The following SLC6A13 variants were observed in gnomAD, a reference collection of about 807,000 sequenced individuals.
SLC6A13 encodes solute carrier family 6 member 13.
Under a neutral mutation model 72.9 loss-of-function variants are expected in SLC6A13, and 69 were observed. That is an observed-to-expected ratio of 0.95 (90% CI 0.78 to 1.16). SLC6A13 has a LOEUF of 1.16. Among genes scored for constraint, SLC6A13 ranks in the 50% most tolerant of loss-of-function variants. SLC6A13 has a pLI of 0.00. For missense variants in SLC6A13, 735 were observed against 760.5 expected (o/e 0.97, Z 0.39); for synonymous variants, 303 against 303.0 (o/e 1.00, Z 0.00).
In SLC6A13 at chr12:259,843, C is replaced by T; in HGVS notation, c.202+8G>A. The stretch of plus-strand genomic sequence containing the variant: ...GTGGGTGGGGTGGCACAAGGGCTCT[C>T]ATCTCACCTCCCCCATTTTTGTAGC... On this transcript the variant is annotated splice_region_variant and intron_variant, in intron 2 of 14. Transcript: ENST00000343164. 1 of 1,614,184 alleles carries T rather than the reference C, an allele frequency of 6.2e-7. No individual in the cohort carries two copies. The highest frequency in any genetic ancestry group is 8.5e-7 in the Non-Finnish European group (1 of 1,180,024).
chr12:234,566 A>G (rs1191960824), intron 7 of SLC6A13, among the ~76,000 whole-genome samples: 9 of 151,900 alleles, frequency 5.9e-5, no homozygotes, highest in Non-Finnish European at 8.8e-5. Context: ...TGCCCAGGCT[A>G]GAGTGCAGTG....
At chr12:239,957 A>G (rs549070900) in intron 4 of SLC6A13, among the ~76,000 whole-genome samples, 2 of 152,302 alleles carry the variant, frequency 1.3e-5, no homozygotes, top group African/African-American at 2.4e-5. Context: ...CAGGTATTTA[A>G]TGTGCCTCAG....
Position 222,532 on chromosome 12 carries a change from T to C in SLC6A13, c.1515A>G (p.Thr505=). Residue 505 remains threonine, a splice_region_variant and synonymous_variant, in exon 13 of 15, where the codon ACA becomes ACG. Transcript: ENST00000343164. ...GACTTTATCCCTGAAATGATCTTAC[T>C]GTGCACACAGCTGGTGTGAGGAAGA... ...CWLFLTPAVC[T]ATFLFSLIKY... is the part of the protein sequence containing the mutation. The C allele has an allele frequency of 6.3e-7, 1 of 1,589,724 alleles. No individual in the cohort carries two copies.
In SLC6A13 at chr12:224,483, C is replaced by T. The variant is rs1442103087; in HGVS notation, c.1091G>A (p.Arg364Gln). The T allele has an allele frequency of 3.1e-6, 5 of 1,613,954 alleles. No individual in the cohort carries two copies. Among genetic ancestry groups the T allele is most frequent in the Admixed American group, 1.7e-5 (1 of 60,006 alleles). Residue 364 changes from arginine to glutamine, a missense_variant, in exon 10 of 15, where the codon CGG becomes CAG. By Grantham distance (43) the Arg-to-Gln change is conservative. Coordinates refer to ENST00000343164, the MANE Select transcript of SLC6A13 (RefSeq NM_016615.5). ...GPGLAFIAYP[R>Q]AVVMLPFSPL... ...AGAGAAGGGCAGCATCACCACAGCC[C>T]GCGGGTAAGCGATGAAAGCCAGGCC...
At chr12:244,552 T>C (rs1942283460) in intron 2 of SLC6A13, among the ~76,000 whole-genome samples, 1 of 152,016 alleles carries the variant, frequency 6.6e-6, no homozygotes, top group African/African-American at 2.4e-5. Context: ...TATCTGGGCA[T>C]GGCTGTGTGT....
intron 8 of SLC6A13, 181 bp from the exon 9 acceptor site, chr12:226,695 C>T (rs1941471044): frequency 8.0e-6 from 5 of 622,246 alleles, no homozygotes; most frequent in South Asian, 6.2e-5. Context: ...GGCTCTCCTC[C>T]GACACTCCTC....
In SLC6A13 at chr12:241,694, G is replaced by T. The variant is rs1460456017; in HGVS notation, c.478+920C>A. Among the ~76,000 whole-genome samples, 4 of 152,228 alleles carry T rather than the reference G, an allele frequency of 2.6e-5. No individual in the cohort carries two copies. The South Asian group carries it at 8.3e-4, about 32-fold the overall frequency. On this transcript the variant is annotated intron_variant, in intron 4 of 14. Coordinates refer to ENST00000343164, the MANE Select transcript of SLC6A13 (RefSeq NM_016615.5). ...GAACTACCATATTGGATAGTGCAAA[G>T]AACATTTTCATCATTACAGACAGTT...
Position 237,920 on chromosome 12 carries a change from AC to A in SLC6A13, c.563+5del. On this transcript the variant is annotated splice_donor_5th_base_variant and intron_variant, in intron 5 of 14. Coordinates refer to ENST00000343164, the MANE Select transcript of SLC6A13 (RefSeq NM_016615.5). Reference sequence around the variant, plus strand: ...CCCACAGTGGGTGGGGAAGGGTCTCACTTACTCCCAGAACTCGATGACAGGA... The same window carrying A: ...CCCACAGTGGGTGGGGAAGGGTCTCATTACTCCCAGAACTCGATGACAGGA... The A allele has an allele frequency of 6.2e-7, 1 of 1,609,302 alleles. No homozygotes were observed. Among genetic ancestry groups the A allele is most frequent in the Non-Finnish European group, 8.5e-7 (1 of 1,175,638 alleles).
Position 242,653 on chromosome 12 carries a change from C to T in SLC6A13, c.439G>A (p.Asp147Asn), listed in dbSNP as rs778879939. The T allele has an allele frequency of 1.2e-6, 2 of 1,613,656 alleles. No individual in the cohort carries two copies. Among genetic ancestry groups the T allele is most frequent in the Non-Finnish European group, 8.5e-7 (1 of 1,179,826 alleles). ...LFYLFSSFTI[D>N]LPWGGCYHEW... ...TGGTAGCAGCCGCCCCAGGGCAGGTCGATGGTGAAGCTGCTGAAGAGGTAG... is the reference window on the plus strand; with the variant it reads ...TGGTAGCAGCCGCCCCAGGGCAGGTTGATGGTGAAGCTGCTGAAGAGGTAG... Residue 147 changes from aspartate to asparagine, a missense_variant, in exon 4 of 15, where the codon GAC becomes AAC. Coordinates refer to ENST00000343164, the MANE Select transcript of SLC6A13 (RefSeq NM_016615.5).
intron 7 of SLC6A13, among the ~76,000 whole-genome samples, chr12:232,204 G>A (rs1036677660): frequency 3.9e-5 from 6 of 152,184 alleles, no homozygotes; most frequent in Non-Finnish European, 8.8e-5. Context: ...AAGACCCTCT[G>A]TCCTTTTTCT....
chr12:238,318 G>A (rs1217668934), intron 4 of SLC6A13: 12 of 1,367,204 alleles, frequency 8.8e-6, no homozygotes, highest in Non-Finnish European at 1.2e-5. Context: ...ACATTTCTAT[G>A]TAAGCGTCCT....
rs1475078621 is a variant in SLC6A13, at chr12:254,897, A to G, written c.202+4954T>C. Among the ~76,000 whole-genome samples the G allele has an allele frequency of 6.6e-6, 1 of 152,200 alleles. No individual in the cohort carries two copies. The highest frequency in any genetic ancestry group is 1.5e-5 in the Non-Finnish European group (1 of 68,042). ...CACAGTGGCTTATGCCTGTAATCCCAGCACTTTGGGAGGCCGAGGCAGGCA... is the reference window on the plus strand; with the variant it reads ...CACAGTGGCTTATGCCTGTAATCCCGGCACTTTGGGAGGCCGAGGCAGGCA... On this transcript the variant is annotated intron_variant, in intron 2 of 14. Transcript: ENST00000343164. This position sits in a 1 kb window ranked among gnomAD's most constrained non-coding sequence, Gnocchi z 4.4.
chr12:248,772 C>T (rs573214823), intron 2 of SLC6A13, among the ~76,000 whole-genome samples: 2 of 151,950 alleles, frequency 1.3e-5, no homozygotes, highest in Non-Finnish European at 2.9e-5. Context: ...AAATTATATC[C>T]ACCAGCTCAA....
At chr12:244,254 T>C (rs1942271212) in intron 2 of SLC6A13, among the ~76,000 whole-genome samples, 1 of 152,248 alleles carries the variant, frequency 6.6e-6, no homozygotes, top group Non-Finnish European at 1.5e-5. Context: ...ATGGTTTGAA[T>C]GTATCCCCTA....
chr12:258,238 A>C (rs1400556305), intron 2 of SLC6A13, among the ~76,000 whole-genome samples: 1 of 152,198 alleles, frequency 6.6e-6, no homozygotes, highest in Admixed American at 6.5e-5. Context: ...CCCTCTGGAA[A>C]CATTCAAGTT....
In SLC6A13 at chr12:242,992, A is replaced by G. The variant is rs1241855174; in HGVS notation, c.338-238T>C. 2.0e-5 allele frequency among the ~76,000 whole-genome samples: 3 copies of G among 152,088 alleles called. 1 individual carries two copies. Among genetic ancestry groups the G allele is most frequent in the African/African-American group, 7.2e-5 (3 of 41,428 alleles). On this transcript the variant is annotated intron_variant, in intron 3 of 14. Coordinates refer to ENST00000343164, the MANE Select transcript of SLC6A13 (RefSeq NM_016615.5). ...TGAAATTAAATACTGTAAATTTTAA[A>G]TACTTGTGTCAAGATAGAACTTTTT...
At chr12:243,862 G>A (rs774807712) in intron 2 of SLC6A13, 49 bp from the exon 3 acceptor site, 1 of 1,590,500 alleles carries the variant, frequency 6.3e-7, no homozygotes, top group Admixed American at 1.7e-5. Flanking sequence ...TTCTCCTCAT[G>A]GTCTGCATTC....
At chr12:244,677 G>A (rs1942286744) in intron 2 of SLC6A13, among the ~76,000 whole-genome samples, 1 of 151,924 alleles carries the variant, frequency 6.6e-6, no homozygotes, top group Admixed American at 6.6e-5. Flanking sequence ...CTGGGTGACA[G>A]AGCAAGACCC....
chr12:223,248 G>A lies in SLC6A13; in HGVS notation c.1312-14C>T, dbSNP rs1172426797. The A allele has an allele frequency of 6.4e-7, 1 of 1,550,800 alleles. No individual in the cohort carries two copies. The highest frequency in any genetic ancestry group is 8.9e-7 in the Non-Finnish European group (1 of 1,125,780). On this transcript the variant is annotated splice_polypyrimidine_tract_variant and intron_variant, in intron 11 of 14. Transcript: ENST00000343164. ...GTACATTCCGCCCTGCATGGGAGGAGATTATTTTAAAAAGAAGTTTATCCA... is the reference window on the plus strand; with the variant it reads ...GTACATTCCGCCCTGCATGGGAGGAAATTATTTTAAAAAGAAGTTTATCCA...
Sources: gnomAD v4.1 joint callset for allele counts (sites outside exome capture counted in the v4.1 genomes callset) on GRCh38, gnomAD v4.1.1 for gene constraint, Gnocchi (gnomAD v3.1) non-coding constraint, MANE v1.5 for transcripts, NCBI Gene and HGNC (gene_info 2026-07-23, HGNC 2026-07-21) for gene names.